Variants in ADAMTS3 observed in about 807,000 individuals in gnomAD.
The protein encoded by ADAMTS3 is ADAM metallopeptidase with thrombospondin type 1 motif 3, also known as A disintegrin and metalloproteinase with thrombospondin motifs 3.
A neutral mutation model predicts 129.0 loss-of-function variants in ADAMTS3; 73 were observed. The observed-to-expected ratio is 0.57, with a 90% CI of 0.47 to 0.69. The LOEUF (loss-of-function observed/expected upper bound fraction) is 0.69, where lower values mean the gene tolerates loss of function less well. Ranked by LOEUF, ADAMTS3 falls within the 30% of genes least tolerant of loss-of-function variation. The pLI, the probability that ADAMTS3 is intolerant of heterozygous loss-of-function variation, is 0.00. For missense variants in ADAMTS3, 1,457 were observed against 1,514.5 expected, an observed-to-expected ratio of 0.96 and a Z score of 0.63; for synonymous variants, 477 against 510.8, an observed-to-expected ratio of 0.93 and a Z score of 0.89.
chr4:72,305,280 C>G (rs967663380), intron 16 of ADAMTS3, among the ~76,000 whole-genome samples: 1 of 151,974 alleles, frequency 6.6e-6, no homozygotes, highest in African/African-American at 2.4e-5. Context: ...GCAAATGGAT[C>G]TGCATGTGCC....
chr4:72,295,175 G>C (rs1445501263), intron 19 of ADAMTS3, among the ~76,000 whole-genome samples: 1 of 151,986 alleles, frequency 6.6e-6, no homozygotes, highest in Non-Finnish European at 1.5e-5. Context: ...GTGTGACTCA[G>C]GTATTAAGAG....
chr4:72,500,329 T>C (rs939870406), intron 3 of ADAMTS3, among the ~76,000 whole-genome samples: 1 of 152,188 alleles, frequency 6.6e-6, no homozygotes, highest in Non-Finnish European at 1.5e-5. Flanking sequence ...TGGTGTGAGA[T>C]GGTATTTCCT....
At position 72,282,070 on chromosome 4, in the gene ADAMTS3, A is replaced by G. The variant is rs1231348737; in HGVS notation, c.*1066T>C. ...CTTCAAAGCCCCAAAGCTCTACTAT[A>G]CTCAAATATCAATTCTAGACTGATG... On this transcript the variant is annotated 3_prime_UTR_variant, in exon 22 of 22. Coordinates refer to ENST00000286657, the MANE Select transcript of ADAMTS3 (RefSeq NM_014243.3). 6.6e-6 allele frequency: 1 copy of G among 152,186 alleles called. No homozygotes were observed. Among genetic ancestry groups the G allele is most frequent in the East Asian group, 1.9e-4 (1 of 5,200 alleles). The allele number at this position is 152,186 out of a possible 1,614,324, so 9.4% of individuals were successfully genotyped here.
intron 5 of ADAMTS3, among the ~76,000 whole-genome samples, chr4:72,329,728 T>C (rs1432255255): frequency 6.6e-6 from 1 of 151,610 alleles, no homozygotes; most frequent in Non-Finnish European, 1.5e-5. Context: ...CTTCTCTTAG[T>C]AACATTCTCA....
intron 4 of ADAMTS3, among the ~76,000 whole-genome samples, chr4:72,411,411 C>T (rs1050383022): frequency 2.6e-5 from 4 of 152,108 alleles, no homozygotes; most frequent in Admixed American, 2.6e-4. Context: ...TTTCTGGAGA[C>T]ATAAAGTCCT....
At chr4:72,482,543 A>G (rs532185761) in intron 3 of ADAMTS3, among the ~76,000 whole-genome samples, 1 of 152,112 alleles carries the variant, frequency 6.6e-6, no homozygotes, top group Non-Finnish European at 1.5e-5. Flanking sequence ...TCATGGCTAT[A>G]AAAGGGCAAT....
intron 3 of ADAMTS3, among the ~76,000 whole-genome samples, chr4:72,432,102 G>A (rs986336687): frequency 2.6e-5 from 4 of 151,906 alleles, no homozygotes; most frequent in Non-Finnish European, 4.4e-5. Flanking sequence ...AGAGGCTGCT[G>A]GCACTCACCA....
At chr4:72,408,923 G>C (rs1722119017) in intron 4 of ADAMTS3, among the ~76,000 whole-genome samples, 1 of 152,002 alleles carries the variant, frequency 6.6e-6, no homozygotes, top group Admixed American at 6.6e-5. Context: ...TCGGGGGGTG[G>C]GGGCCTAGGG....
chr4:72,428,381 A>G (rs1056338422), intron 3 of ADAMTS3, among the ~76,000 whole-genome samples: 1 of 152,022 alleles, frequency 6.6e-6, no homozygotes, highest in African/African-American at 2.4e-5. Flanking sequence ...TCATGTTAAG[A>G]TATTTTACCT....
chr4:72,311,261 AT>A (rs1719227758), intron 13 of ADAMTS3, 80 bp from the exon 14 acceptor site: 2 of 1,265,880 alleles, frequency 1.6e-6, no homozygotes, highest in East Asian at 5.2e-5. Flanking sequence ...ATTTTTAAAT[AT>A]AAGGTTTCAC....
intron 4 of ADAMTS3, among the ~76,000 whole-genome samples, chr4:72,353,310 C>T (rs921650197): frequency 3.3e-5 from 5 of 152,056 alleles, no homozygotes; most frequent in Middle Eastern, 3.4e-3. Flanking sequence ...ACCCAATGTG[C>T]TTGTAGTTAG....
intron 16 of ADAMTS3, 24 bp from the exon 17 acceptor site, chr4:72,304,104 C>G: frequency 1.2e-6 from 2 of 1,606,190 alleles, no homozygotes; most frequent in East Asian, 2.2e-5. Flanking sequence ...AATGAGTAAC[C>G]AGCATACATT....
Position 72,409,407 on chromosome 4 carries a change from T to C in ADAMTS3, c.661+5408A>G, listed in dbSNP as rs548417453. ...TCTGAATTGGCTTTCTACCCTGATG[T>C]ATGTTTACTGCCTTCAATTTCACTT... On this transcript the variant is annotated intron_variant, in intron 4 of 21. Coordinates refer to ENST00000286657, the MANE Select transcript of ADAMTS3 (RefSeq NM_014243.3). Among the ~76,000 whole-genome samples, 465 of 152,320 alleles carry C rather than the reference T, an allele frequency of 3.1e-3. 3 individuals are homozygous for C. Among genetic ancestry groups the C allele is most frequent in the Non-Finnish European group, 6.0e-3 (405 of 68,012 alleles).
At chr4:72,473,709 C>T (rs1578712753) in intron 3 of ADAMTS3, among the ~76,000 whole-genome samples, 1 of 152,254 alleles carries the variant, frequency 6.6e-6, no homozygotes, top group East Asian at 1.9e-4. Flanking sequence ...TCATTCCCAC[C>T]AGTTGGTAAC....
chr4:72,555,570 A>T (rs1201900700), intron 2 of ADAMTS3, among the ~76,000 whole-genome samples: 1 of 151,850 alleles, frequency 6.6e-6, no homozygotes, highest in Admixed American at 6.6e-5. Context: ...GTCTGTACAA[A>T]AGTTTTTTAA....
rs1179541928 is a variant in ADAMTS3, at chr4:72,530,705, ATAT to A, written c.504+17770_504+17772del. 4.0e-4 allele frequency among the ~76,000 whole-genome samples: 37 copies of A among 92,574 alleles called. No individual in the cohort carries two copies. In the East Asian group the frequency reaches 9.6e-3, roughly 24 times the overall value. The allele number at this position is 92,574 out of a possible 152,430, so 60.7% of individuals were successfully genotyped here. ...TATAATATATATTGTATCATATATTATATATTATATATAATATTATACATTATA... is the reference window on the plus strand; with the variant it reads ...TATAATATATATTGTATCATATATTAATTATATATAATATTATACATTATA... On this transcript the variant is annotated intron_variant, in intron 3 of 21. Transcript: ENST00000286657.
intron 4 of ADAMTS3, among the ~76,000 whole-genome samples, chr4:72,409,957 C>T (rs1468384092): frequency 6.9e-6 from 1 of 144,356 alleles, no homozygotes; most frequent in Non-Finnish European, 1.5e-5. Context: ...TGTAATTTAA[C>T]ACTTACCCAA....
chr4:72,294,964 C>T (rs945875711), intron 19 of ADAMTS3, among the ~76,000 whole-genome samples: 1 of 151,990 alleles, frequency 6.6e-6, no homozygotes, highest in Non-Finnish European at 1.5e-5. Flanking sequence ...ACTCTCTGTT[C>T]TCTAAGACTC....
chr4:72,431,652 C>T (rs563444882), intron 3 of ADAMTS3, among the ~76,000 whole-genome samples: 3 of 152,048 alleles, frequency 2.0e-5, no homozygotes, highest in South Asian at 2.1e-4. Flanking sequence ...ACTCATTGTG[C>T]ACATGCAAAT....
Sources: gnomAD v4.1 joint callset for allele counts (sites outside exome capture counted in the v4.1 genomes callset) on GRCh38, gnomAD v4.1.1 for gene constraint, MANE v1.5 for transcripts, NCBI Gene and HGNC (gene_info 2026-07-23, HGNC 2026-07-21) for gene names.